Variants in MSRA observed in about 807,000 individuals in gnomAD.
MSRA encodes mitochondrial peptide methionine sulfoxide reductase.
A neutral mutation model predicts 31.3 loss-of-function variants in MSRA; 54 were observed. The ratio of observed to expected loss-of-function variants is 1.73; its 90% CI spans 1.39 to 2.17. The LOEUF (loss-of-function observed/expected upper bound fraction) is 2.17, where lower values mean the gene tolerates loss of function less well. Among genes scored for constraint, MSRA ranks in the 30% most tolerant of loss-of-function variants. The pLI is 0.00. For synonymous variants in MSRA, 169 were observed against 116.5 expected, an observed-to-expected ratio of 1.45 and a Z score of -2.90; for missense variants, 507 against 300.9, an observed-to-expected ratio of 1.69 and a Z score of -5.07.
At chr8:10,233,756 G>A (rs1039438444) in intron 2 of MSRA, among the ~76,000 whole-genome samples, 7 of 152,150 alleles carry the variant, frequency 4.6e-5, no homozygotes, top group Non-Finnish European at 7.4e-5. Flanking sequence ...CGAGAATAGT[G>A]GAGAAGCAAT....
At chr8:10,418,082 G>C (rs1808591925) in intron 5 of MSRA, among the ~76,000 whole-genome samples, 1 of 152,120 alleles carries the variant, frequency 6.6e-6, no homozygotes, top group Non-Finnish European at 1.5e-5. Context: ...TTAGATTTCT[G>C]TTCTAGGAAA....
intron 3 of MSRA, among the ~76,000 whole-genome samples, chr8:10,272,220 A>G (rs1038183895): frequency 2.0e-5 from 3 of 152,200 alleles, no homozygotes; most frequent in Non-Finnish European, 4.4e-5. Context: ...AGGATGATCT[A>G]TTGATGAGTT....
intron 2 of MSRA, among the ~76,000 whole-genome samples, chr8:10,224,153 T>C (rs1585209296): frequency 6.6e-6 from 1 of 152,206 alleles, no homozygotes; most frequent in East Asian, 1.9e-4. Flanking sequence ...CCTTAACAGA[T>C]AGTAGCTTCT....
intron 2 of MSRA, among the ~76,000 whole-genome samples, chr8:10,215,376 G>C (rs1057175370): frequency 1.1e-4 from 17 of 152,232 alleles, no homozygotes; most frequent in African/African-American, 3.6e-4. Context: ...ACCTAGGACT[G>C]TTGTCAGAGT....
At chr8:10,401,720 C>T (rs1807477241) in intron 5 of MSRA, among the ~76,000 whole-genome samples, 2 of 152,238 alleles carry the variant, frequency 1.3e-5, no homozygotes, top group African/African-American at 4.8e-5. Context: ...CAATGGACTG[C>T]AGCCTGAAAA....
intron 2 of MSRA, among the ~76,000 whole-genome samples, chr8:10,220,272 G>A (rs1810376055): frequency 6.6e-6 from 1 of 152,144 alleles, no homozygotes; most frequent in Admixed American, 6.5e-5. Flanking sequence ...ACTGACCTTG[G>A]GAGCAACAGT....
intron 5 of MSRA, among the ~76,000 whole-genome samples, chr8:10,417,384 G>C (rs1299973515): frequency 6.7e-6 from 1 of 149,112 alleles, no homozygotes; most frequent in Admixed American, 6.8e-5. Context: ...GGTCCTCTTT[G>C]GTGTTGAAGA....
rs188441435 is a variant in MSRA, at chr8:10,123,446, A to G, written c.142+68788A>G. ...TTTGTCAAATGCATAGTTTGCAAAAATTTTCTCCCATTCTGTAGGTTGTCT... is the reference window on the plus strand; with the variant it reads ...TTTGTCAAATGCATAGTTTGCAAAAGTTTTCTCCCATTCTGTAGGTTGTCT... On this transcript the variant is annotated intron_variant, in intron 1 of 5. Coordinates refer to ENST00000317173, the MANE Select transcript of MSRA (RefSeq NM_012331.5). 8.5e-4 allele frequency among the ~76,000 whole-genome samples: 130 copies of G among 152,090 alleles called. 1 individual carries two copies. The highest frequency in any genetic ancestry group is 1.8e-4 in the Non-Finnish European group (12 of 67,984).
intron 5 of MSRA, among the ~76,000 whole-genome samples, chr8:10,354,207 C>A (rs1355556922): frequency 1.3e-5 from 2 of 152,168 alleles, no homozygotes; most frequent in East Asian, 3.8e-4. Flanking sequence ...TTAGGAAAGC[C>A]CACTGTCCAG....
At chr8:10,389,997 G>C (rs1017638747) in intron 5 of MSRA, among the ~76,000 whole-genome samples, 1 of 152,018 alleles carries the variant, frequency 6.6e-6, no homozygotes, top group African/African-American at 2.4e-5. Flanking sequence ...CCTTCTGCAG[G>C]TACCAGGTCA....
chr8:10,073,672 C>A (rs1046407421), intron 1 of MSRA, among the ~76,000 whole-genome samples: 1 of 151,898 alleles, frequency 6.6e-6, no homozygotes, highest in African/African-American at 2.4e-5. Flanking sequence ...CCATTGGCTG[C>A]GGCCAGCCTC....
chr8:10,385,581 AT>A (rs1475269038), intron 5 of MSRA, among the ~76,000 whole-genome samples: 2 of 152,124 alleles, frequency 1.3e-5, no homozygotes, highest in East Asian at 3.9e-4. Context: ...GTCTTAAAAG[AT>A]TACTCTGTGG....
chr8:10,416,173 G>C (rs1305644469), intron 5 of MSRA, among the ~76,000 whole-genome samples: 1 of 152,174 alleles, frequency 6.6e-6, no homozygotes, highest in Non-Finnish European at 1.5e-5. Flanking sequence ...TCTTCTGAGA[G>C]CACCTCGCGG....
chr8:10,350,716 C>T (rs1336118718), intron 5 of MSRA, among the ~76,000 whole-genome samples: 1 of 152,224 alleles, frequency 6.6e-6, no homozygotes, highest in Non-Finnish European at 1.5e-5. Flanking sequence ...TGGCTCCTTG[C>T]CAAGGCCGGC....
chr8:10,222,010 G>A (rs934483651), intron 2 of MSRA, among the ~76,000 whole-genome samples: 20 of 152,016 alleles, frequency 1.3e-4, no homozygotes, highest in African/African-American at 4.1e-4. Context: ...GTGGGTAATT[G>A]TGGGGACTTT....
intron 1 of MSRA, among the ~76,000 whole-genome samples, chr8:10,177,859 C>T (rs1563185637): frequency 1.3e-5 from 2 of 152,186 alleles, no homozygotes; most frequent in South Asian, 2.1e-4. Context: ...TTGAATTTGT[C>T]TATCTATAGT....
intron 1 of MSRA, among the ~76,000 whole-genome samples, chr8:10,082,704 G>A (rs1362801356): frequency 6.6e-6 from 1 of 152,132 alleles, no homozygotes; most frequent in African/African-American, 2.4e-5. Flanking sequence ...GGGCTTGAGG[G>A]GTCCCTCTCT....
intron 3 of MSRA, among the ~76,000 whole-genome samples, chr8:10,260,956 G>A (rs1563281622): frequency 6.6e-6 from 1 of 152,162 alleles, no homozygotes; most frequent in African/African-American, 2.4e-5. Context: ...TTTAGTCTAA[G>A]CACAAAGTGA....
rs559989114 is a variant in MSRA, at chr8:10,182,534, G to T, written c.143-25299G>T. Among the ~76,000 whole-genome samples the T allele has an allele frequency of 2.0e-5, 3 of 152,226 alleles. No homozygotes were observed. The South Asian group carries it at 6.2e-4, about 32-fold the overall frequency. On this transcript the variant is annotated intron_variant, in intron 1 of 5. Coordinates refer to ENST00000317173, the MANE Select transcript of MSRA (RefSeq NM_012331.5). The stretch of plus-strand genomic sequence containing the variant: ...ATCTGCTTCCAGGCTCACTTGTGTG[G>T]TTGTTGGCAAGATTCAGTTTATTTA...
Sources: gnomAD v4.1 joint callset for allele counts (sites outside exome capture counted in the v4.1 genomes callset) on GRCh38, gnomAD v4.1.1 for gene constraint, MANE v1.5 for transcripts, NCBI Gene and HGNC (gene_info 2026-07-23, HGNC 2026-07-21) for gene names.